Variants in ERICH3 observed in about 807,000 individuals in gnomAD.
The protein encoded by ERICH3 is glutamate rich 3, also known as glutamate-rich protein 3.
Under a neutral mutation model 131.1 loss-of-function variants are expected in ERICH3, and 126 were observed. The ratio of observed to expected loss-of-function variants is 0.96; its 90% CI spans 0.83 to 1.11. The LOEUF (loss-of-function observed/expected upper bound fraction) is 1.11, where lower values mean the gene tolerates loss of function less well. Ranked by LOEUF, ERICH3 falls within the 50% of genes most tolerant of loss-of-function variation. ERICH3 has a pLI of 0.00. For missense variants in ERICH3, 2,050 were observed against 1,810.7 expected (o/e 1.13, Z -2.40); for synonymous variants, 695 against 644.6 (o/e 1.08, Z -1.18).
At chr1:74,621,334 C>A (rs1649212975) in intron 7 of ERICH3, 1 of 153,064 alleles carries the variant, frequency 6.5e-6, no homozygotes, top group Admixed American at 6.5e-5. Context: ...CATTTTGTTT[C>A]AGTTTGAACT....
intron 12 of ERICH3, among the ~76,000 whole-genome samples, chr1:74,588,144 C>G (rs958093120): frequency 6.6e-6 from 1 of 152,098 alleles, no homozygotes; most frequent in Non-Finnish European, 1.5e-5. Flanking sequence ...CATTGCTATA[C>G]TCCACTATCT....
intron 2 of ERICH3, 28 bp from the exon 3 acceptor site, chr1:74,646,820 G>T: frequency 7.7e-7 from 1 of 1,303,766 alleles, no homozygotes; most frequent in Non-Finnish European, 1.0e-6. Context: ...AATATACATA[G>T]AAATATAAAA....
intron 11 of ERICH3, chr1:74,591,845 T>C (rs1557673273): frequency 6.6e-6 from 1 of 152,180 alleles, no homozygotes; most frequent in Non-Finnish European, 1.5e-5. Flanking sequence ...AAATAAAACA[T>C]CCTACATTTA....
rs1247381425 is a variant in ERICH3 at position 74,572,972 on chromosome 1, A to G, written c.2738T>C (p.Leu913Ser). ...VLANEAAALN[L>S]EHLHEVAALR... Reference sequence around the variant, plus strand: ...GGCTGCTACTTCATGAAGATGCTCCAAGTTCAGGGCTGCTGCTTCATTTGC... The same window carrying G: ...GGCTGCTACTTCATGAAGATGCTCCGAGTTCAGGGCTGCTGCTTCATTTGC... The change falls in exon 14 of 15, where the codon TTG becomes TCG. Residue 913 changes from leucine (L) to serine (S), a missense_variant. Transcript: ENST00000326665. The G allele has an allele frequency of 6.2e-7, 1 of 1,614,022 alleles. No homozygotes were observed. The highest frequency in any genetic ancestry group is 8.5e-7 in the Non-Finnish European group (1 of 1,180,000).
intron 12 of ERICH3, among the ~76,000 whole-genome samples, chr1:74,587,193 C>T (rs142832698): frequency 0.016 from 2,425 of 151,510 alleles, 79 homozygotes; most frequent in African/African-American, 0.056. Flanking sequence ...GGCGTGGTGG[C>T]GAGCACCTGT....
intron 7 of ERICH3, 131 bp from the exon 8 acceptor site, chr1:74,621,045 A>C (rs763653500): frequency 1.4e-6 from 1 of 705,374 alleles, no homozygotes; most frequent in African/African-American, 1.9e-5. Context: ...ATAAAGTGTC[A>C]ATTTACAAAT....
chr1:74,630,155 C>T (rs962291655), intron 7 of ERICH3, among the ~76,000 whole-genome samples: 1 of 152,098 alleles, frequency 6.6e-6, no homozygotes, highest in Non-Finnish European at 1.5e-5. Context: ...ATCCTGCCCC[C>T]CAAGTGTTTC....
At chr1:74,662,715 T>C (rs1646654715) in intron 1 of ERICH3, among the ~76,000 whole-genome samples, 1 of 152,166 alleles carries the variant, frequency 6.6e-6, no homozygotes, top group Non-Finnish European at 1.5e-5. Flanking sequence ...CATGGTTTTA[T>C]AGCATGCTTG....
rs749890558 is a variant in ERICH3, at chr1:74,573,019, C to T, written c.2691G>A (p.Gln897=). 3.1e-6 allele frequency: 5 copies of T among 1,614,182 alleles called. No homozygotes were observed. Among genetic ancestry groups the T allele is most frequent in the Non-Finnish European group, 3.4e-6 (4 of 1,180,030 alleles). Residue 897 remains glutamine (Q), a synonymous_variant, in exon 14 of 15, where the codon CAG becomes CAA. Coordinates refer to ENST00000326665, the MANE Select transcript of ERICH3 (RefSeq NM_001002912.5). ...TTGCAAGCACTGCCTTCTCTAAACC[C>T]TGTTCCCCTTCAGAAGCTGCTTTGT... ...ETDKAASEGE[Q]GLEKAVLANE...
intron 10 of ERICH3, 137 bp from the exon 11 acceptor site, chr1:74,600,068 A>G (rs764984096): frequency 3.2e-6 from 2 of 619,184 alleles, no homozygotes; most frequent in Non-Finnish European, 5.5e-6. Flanking sequence ...TCGTTCAATT[A>G]GTGAACATGG....
At chr1:74,584,458 C>T (rs1200070811) in intron 12 of ERICH3, among the ~76,000 whole-genome samples, 1 of 152,140 alleles carries the variant, frequency 6.6e-6, no homozygotes, top group Admixed American at 6.6e-5. Flanking sequence ...ATTTCCAATT[C>T]CTTCATTCAG....
chr1:74,577,109 T>C (rs192035099), intron 12 of ERICH3, 173 bp from the exon 13 acceptor site: 3 of 557,510 alleles, frequency 5.4e-6, no homozygotes, highest in Non-Finnish European at 9.4e-6. Flanking sequence ...CAGTATTGTA[T>C]AATCTAATGT....
chr1:74,649,099 G>T, intron 2 of ERICH3, 123 bp downstream of exon 2: 1 of 626,800 alleles, frequency 1.6e-6, no homozygotes, highest in Non-Finnish European at 2.6e-6. Context: ...ACTTTGGAAA[G>T]AAAGTAATTT....
At chr1:74,664,001 T>C (rs768938362) in intron 1 of ERICH3, among the ~76,000 whole-genome samples, 12 of 152,052 alleles carry the variant, frequency 7.9e-5, no homozygotes, top group Non-Finnish European at 1.3e-4. Context: ...CTCCACCCTA[T>C]GGAGTTTGCA....
chr1:74,673,474 G>GAA (rs1453360956), intron 1 of ERICH3, 23 bp downstream of exon 1: 2 of 1,611,240 alleles, frequency 1.2e-6, no homozygotes, highest in Admixed American at 3.4e-5. Context: ...CCACAGCGTG[G>GAA]AAAAGCTCCA....
Position 74,612,167 on chromosome 1 carries a change from T to C in ERICH3, c.1187+456A>G, listed in dbSNP as rs374710195. Among the ~76,000 whole-genome samples the C allele has an allele frequency of 2.8e-4, 43 of 152,308 alleles. No homozygotes were observed. The East Asian group carries it at 8.3e-3, about 29-fold the overall frequency. ...TAATGAAAATTGGGTCAGACAGTAA[T>C]GCAGGCAAACCTAACCTCTAAAAGG... On this transcript the variant is annotated intron_variant, in intron 9 of 14. Transcript: ENST00000326665.
chr1:74,590,159 A>T lies in ERICH3; in HGVS notation c.1727-79T>A, dbSNP rs528280046. On this transcript the variant is annotated intron_variant, in intron 11 of 14. Coordinates refer to ENST00000326665, the MANE Select transcript of ERICH3 (RefSeq NM_001002912.5). ...AATTGTAAAAATTATGTTAGCAATTAATAATACTAAAAATTTTAAAACATA... is the reference window on the plus strand; with the variant it reads ...AATTGTAAAAATTATGTTAGCAATTTATAATACTAAAAATTTTAAAACATA... The T allele has an allele frequency of 4.9e-6, 6 of 1,221,536 alleles. No homozygotes were observed. In the African/African-American group the frequency reaches 6.1e-5, roughly 12 times the overall value. The allele number at this position is 1,221,536 out of a possible 1,614,324, so 75.7% of individuals were successfully genotyped here. A position where few individuals can be genotyped will look rare whatever the true frequency, so the allele number is the denominator to read the frequency against.
intron 8 of ERICH3, among the ~76,000 whole-genome samples, chr1:74,618,418 G>T (rs1251096907): frequency 6.6e-6 from 1 of 152,150 alleles, no homozygotes; most frequent in Non-Finnish European, 1.5e-5. Context: ...AGCTGTATTT[G>T]CCACAGCATA....
intron 8 of ERICH3, among the ~76,000 whole-genome samples, chr1:74,619,828 GT>G (rs1327904396): frequency 6.6e-6 from 1 of 152,114 alleles, no homozygotes; most frequent in Non-Finnish European, 1.5e-5. Context: ...TCATTTAAGT[GT>G]TTACCATTTT....
Sources: allele counts gnomAD v4.1 joint callset (sites outside exome capture counted in the v4.1 genomes callset), GRCh38; gene constraint gnomAD v4.1.1; transcripts MANE v1.5; gene names NCBI Gene and HGNC (gene_info 2026-07-23, HGNC 2026-07-21).